The following ENOX1 variants were observed in gnomAD, a reference collection of about 807,000 sequenced individuals.
ENOX1 encodes the protein candidate growth-related and time keeping constitutive hydroquinone (NADH) oxidase.
A neutral mutation model predicts 82.5 loss-of-function variants in ENOX1; 42 were observed. That is an observed-to-expected ratio of 0.51 (90% CI 0.40 to 0.66). The LOEUF is 0.66. Among genes scored for constraint, ENOX1 ranks in the 30% least tolerant of loss-of-function variants. The probability of loss-of-function intolerance (pLI) is 0.00; values close to 1 mark genes in which losing one functional copy is unlikely to be tolerated. For synonymous variants in ENOX1, 271 were observed against 282.2 expected (o/e 0.96, Z 0.40); for missense variants, 608 against 811.6 (o/e 0.75, Z 3.05).
intron 2 of ENOX1, among the ~76,000 whole-genome samples, chr13:43,485,353 T>A (rs946891118): frequency 6.6e-6 from 1 of 152,192 alleles, no homozygotes; most frequent in African/African-American, 2.4e-5. Context: ...TAGCTTTGGA[T>A]GCCATAGACT....
At chr13:43,265,583 G>A in intron 13 of ENOX1, 129 bp from the exon 14 acceptor site, 1 of 698,132 alleles carries the variant, frequency 1.4e-6, no homozygotes, top group Non-Finnish European at 2.4e-6. Flanking sequence ...AGATAAAACA[G>A]ATGGAGCACA....
chr13:43,730,147 T>G (rs1269771153), intron 1 of ENOX1, among the ~76,000 whole-genome samples: 2 of 152,224 alleles, frequency 1.3e-5, no homozygotes, highest in African/African-American at 2.4e-5. Flanking sequence ...ACCATCCATA[T>G]GTTAATGACT....
intron 12 of ENOX1, among the ~76,000 whole-genome samples, chr13:43,271,978 C>T (rs1593637111): frequency 6.6e-6 from 1 of 152,006 alleles, no homozygotes; most frequent in East Asian, 1.9e-4. Context: ...ATCCATGTTA[C>T]TATTTTTTTG....
chr13:43,407,157 A>G (rs1274932741), intron 5 of ENOX1, among the ~76,000 whole-genome samples: 1 of 152,218 alleles, frequency 6.6e-6, no homozygotes, highest in African/African-American at 2.4e-5. Flanking sequence ...TTGATATTCT[A>G]GATTTCAACT....
intron 16 of ENOX1, among the ~76,000 whole-genome samples, chr13:43,221,627 AAAATATGC>A (rs1302741158): frequency 1.3e-5 from 2 of 152,238 alleles, no homozygotes; most frequent in African/African-American, 2.4e-5. Context: ...CAAGAAGAGA[AAAATATGC>A]AAATATGCAA....
At chr13:43,366,586 C>G (rs2050865837) in intron 5 of ENOX1, among the ~76,000 whole-genome samples, 1 of 152,074 alleles carries the variant, frequency 6.6e-6, no homozygotes, top group Non-Finnish European at 1.5e-5. Flanking sequence ...AGCTGACTGG[C>G]TTTTTAACCT....
chr13:43,649,800 T>C (rs7335094), intron 2 of ENOX1, among the ~76,000 whole-genome samples: 66,720 of 151,980 alleles, frequency 0.44, 14,781 homozygotes, highest in Admixed American at 0.5. Flanking sequence ...CTTGGCCTCC[T>C]AGCGCTACAG....
intron 8 of ENOX1, among the ~76,000 whole-genome samples, chr13:43,353,723 A>G (rs969739692): frequency 1.3e-5 from 2 of 152,252 alleles, no homozygotes; most frequent in African/African-American, 4.8e-5. Context: ...CCTAAGATGT[A>G]TCCCCAGCTA....
intron 2 of ENOX1, among the ~76,000 whole-genome samples, chr13:43,558,426 C>T (rs950639994): frequency 2.0e-5 from 3 of 152,182 alleles, no homozygotes; most frequent in Admixed American, 2.0e-4. Context: ...TAAGGCAAAG[C>T]AATACTGGAT....
intron 16 of ENOX1, among the ~76,000 whole-genome samples, chr13:43,223,154 G>C (rs1357596620): frequency 6.6e-6 from 1 of 152,196 alleles, no homozygotes; most frequent in East Asian, 1.9e-4. Flanking sequence ...TCTGTTCAGG[G>C]ACACAGCACT....
intron 2 of ENOX1, among the ~76,000 whole-genome samples, chr13:43,528,583 A>G (rs961978524): frequency 1.3e-5 from 2 of 152,076 alleles, no homozygotes; most frequent in Non-Finnish European, 2.9e-5. Flanking sequence ...TTGTCCATTT[A>G]AAAAATTGTA....
chr13:43,236,614 G>A, intron 15 of ENOX1, 22 bp downstream of exon 15: 1 of 1,422,204 alleles, frequency 7.0e-7, no homozygotes, highest in Non-Finnish European at 9.6e-7. Flanking sequence ...GAGAACAGAT[G>A]AAGAAAACAG....
intron 2 of ENOX1, among the ~76,000 whole-genome samples, chr13:43,489,832 G>C (rs1421787677): frequency 6.6e-6 from 1 of 152,174 alleles, no homozygotes; most frequent in Admixed American, 6.5e-5. Context: ...AAGATTTAAT[G>C]TTTGCCTTGT....
At chr13:43,356,649 C>T (rs990967046) in intron 7 of ENOX1, among the ~76,000 whole-genome samples, 2 of 152,160 alleles carry the variant, frequency 1.3e-5, no homozygotes, top group African/African-American at 4.8e-5. Flanking sequence ...GAATTCCAGA[C>T]ACCTCACTCA....
At chr13:43,280,475 G>A (rs903426818) in intron 12 of ENOX1, among the ~76,000 whole-genome samples, 2 of 152,184 alleles carry the variant, frequency 1.3e-5, no homozygotes, top group Admixed American at 1.3e-4. Context: ...AGAAGCTTTT[G>A]CCTTAATCAT....
At chr13:43,541,335 C>T (rs1401580982) in intron 2 of ENOX1, among the ~76,000 whole-genome samples, 1 of 151,656 alleles carries the variant, frequency 6.6e-6, no homozygotes, top group Admixed American at 6.6e-5. Flanking sequence ...CTCATCTCTA[C>T]AAAAACAATT....
rs554632106 is a variant in ENOX1 at position 43,657,018 on chromosome 13, G to A, written c.-219+10461C>T. On this transcript the variant is annotated intron_variant, in intron 2 of 16. Transcript: ENST00000690772. ...TATTCCTTTTATCTTAATCCTTGGG[G>A]TAAAATATGGCATGTGGATAATCCA... Among the ~76,000 whole-genome samples the A allele has an allele frequency of 1.6e-3, 250 of 152,180 alleles. 1 individual carries two copies. The highest frequency in any genetic ancestry group is 6.0e-3 in the African/African-American group (248 of 41,506).
At chr13:43,721,300 ATAT>A (rs971873772) in intron 1 of ENOX1, among the ~76,000 whole-genome samples, 3 of 151,900 alleles carry the variant, frequency 2.0e-5, no homozygotes, top group South Asian at 2.1e-4. Context: ...TTTTCTTAGG[ATAT>A]TAAATAGCAA....
chr13:43,667,362 G>C, intron 2 of ENOX1, 117 bp downstream of exon 2: 1 of 697,698 alleles, frequency 1.4e-6, no homozygotes, highest in Non-Finnish European at 1.8e-6. Flanking sequence ...CTGAACCCCA[G>C]ATATAACTAA....
Sources: gnomAD v4.1 joint callset for allele counts (sites outside exome capture counted in the v4.1 genomes callset) on GRCh38, gnomAD v4.1.1 for gene constraint, MANE v1.5 for transcripts, NCBI Gene and HGNC (gene_info 2026-07-23, HGNC 2026-07-21) for gene names.